COL9A1: variants seen among roughly 807,000 people sequenced by gnomAD.
COL9A1 encodes collagen type IX alpha 1 chain, also known as collagen alpha-1(IX) chain.
In COL9A1, 104 loss-of-function variants were observed where a neutral mutation model predicts 142.6. The observed-to-expected ratio is 0.73, with a 90% CI of 0.62 to 0.86. COL9A1 has a LOEUF of 0.86. COL9A1 is among the 40% of genes least tolerant of loss of function. The probability of loss-of-function intolerance (pLI) is 0.00; values close to 1 mark genes in which losing one functional copy is unlikely to be tolerated. For synonymous variants in COL9A1, 466 were observed against 396.0 expected (o/e 1.18, Z -2.10); for missense variants, 1,210 against 1,176.6 (o/e 1.03, Z -0.42).
chr6:70,293,618 C>G (rs569205323), intron 5 of COL9A1, among the ~76,000 whole-genome samples: 7 of 140,636 alleles, frequency 5.0e-5, no homozygotes, highest in Non-Finnish European at 1.1e-4. Context: ...TCACCCTCCT[C>G]TCTCTCTCTC....
intron 35 of COL9A1, among the ~76,000 whole-genome samples, chr6:70,233,234 T>G (rs1769669228): frequency 1.3e-5 from 2 of 152,214 alleles, no homozygotes; most frequent in Admixed American, 1.3e-4. Flanking sequence ...CAGACACCAT[T>G]TGAGACCTCG....
chr6:70,302,751 G>A (rs942048484), intron 1 of COL9A1, among the ~76,000 whole-genome samples, 160 bp downstream of exon 1: 3 of 151,232 alleles, frequency 2.0e-5, no homozygotes, highest in African/African-American at 4.9e-5. Context: ...GGTTTCTCAC[G>A]CTTGCCCTCT....
chr6:70,254,356 A>T lies in COL9A1; in HGVS notation c.1719+120T>A. The T allele has an allele frequency of 9.6e-6, 8 of 835,276 alleles. No homozygotes were observed. In the South Asian group the frequency reaches 1.3e-4, roughly 14 times the overall value. 51.7% of individuals were successfully genotyped at this position (835,276 alleles called of 1,614,324 possible). A position where few individuals can be genotyped will look rare whatever the true frequency, so the allele number is the denominator to read the frequency against. On this transcript the variant is annotated intron_variant, in intron 25 of 37. Coordinates refer to ENST00000357250, the MANE Select transcript of COL9A1 (RefSeq NM_001851.6). ...TACAAATGTAAATTGTAAAAATGTA[A>T]AAGTAAAACATCATATCTTCCCCAG...
chr6:70,285,717 TAA>T (rs1385611850), intron 5 of COL9A1, among the ~76,000 whole-genome samples: 1 of 152,186 alleles, frequency 6.6e-6, no homozygotes. Flanking sequence ...AATAAATAAA[TAA>T]GTTTGTTTTA....
chr6:70,302,874 CA>C, intron 1 of COL9A1, 36 bp downstream of exon 1: 2 of 1,612,438 alleles, frequency 1.2e-6, no homozygotes, highest in Non-Finnish European at 1.7e-6. Context: ...CCCCCAGCTC[CA>C]TCTCCCCACC....
chr6:70,293,926 C>A (rs1227792542), intron 5 of COL9A1, among the ~76,000 whole-genome samples: 1 of 152,120 alleles, frequency 6.6e-6, no homozygotes, highest in Non-Finnish European at 1.5e-5. Flanking sequence ...ACAATATGTG[C>A]CACATCAGTA....
At chr6:70,290,452 C>T (rs1773614816) in intron 5 of COL9A1, among the ~76,000 whole-genome samples, 1 of 152,044 alleles carries the variant, frequency 6.6e-6, no homozygotes, top group Non-Finnish European at 1.5e-5. Context: ...ATATAAAATG[C>T]TCTGAGCCCA....
At chr6:70,270,438 C>T (rs1772322822) in intron 14 of COL9A1, 71 bp from the exon 15 acceptor site, 1 of 1,436,244 alleles carries the variant, frequency 7.0e-7, no homozygotes, top group Non-Finnish European at 9.7e-7. Context: ...ACCAGTGAGG[C>T]ATAAGAGAAT....
At chr6:70,217,830 G>A (rs1213671754) in intron 37 of COL9A1, among the ~76,000 whole-genome samples, 1 of 152,152 alleles carries the variant, frequency 6.6e-6, no homozygotes, top group Non-Finnish European at 1.5e-5. Context: ...CTACAAGATG[G>A]GATAATGTCT....
At chr6:70,281,971 G>A (rs573981101) in intron 7 of COL9A1, among the ~76,000 whole-genome samples, 98 of 152,240 alleles carry the variant, frequency 6.4e-4, no homozygotes, top group Non-Finnish European at 8.1e-4. Flanking sequence ...GTAGGGCAGG[G>A]CAGCCTTGAG....
chr6:70,286,964 C>T (rs771551794), intron 5 of COL9A1, among the ~76,000 whole-genome samples: 6 of 152,152 alleles, frequency 3.9e-5, no homozygotes, highest in Non-Finnish European at 5.9e-5. Flanking sequence ...CCATGAAAGA[C>T]ACAAAAATGT....
intron 13 of COL9A1, 48 bp downstream of exon 13, chr6:70,272,017 G>A (rs1341135238): frequency 6.4e-7 from 1 of 1,571,076 alleles, no homozygotes; most frequent in Admixed American, 1.7e-5. Flanking sequence ...TTGAGAAATA[G>A]GACATTTTTA....
chr6:70,242,483 T>A (rs1770323782), intron 29 of COL9A1, among the ~76,000 whole-genome samples, 179 bp downstream of exon 29: 1 of 152,230 alleles, frequency 6.6e-6, no homozygotes, highest in South Asian at 2.1e-4. Flanking sequence ...CAGATTAAAA[T>A]ACCCTCTGAG....
intron 1 of COL9A1, among the ~76,000 whole-genome samples, chr6:70,302,553 G>C (rs1459400560): frequency 6.6e-6 from 1 of 151,942 alleles, no homozygotes; most frequent in Admixed American, 6.6e-5. Flanking sequence ...AGGAACTCAT[G>C]TTTCCAGACC....
In COL9A1 at chr6:70,266,772, T is replaced by C. The variant is rs1772044562; in HGVS notation, c.1288-2A>G. ...TTCTCCTTTAGCCCCTTTATGACCC[T>C]AACAAATGCAAAATAAGTAATTGTC... On this transcript the variant is annotated splice_acceptor_variant, in intron 17 of 37. Coordinates refer to ENST00000357250, the MANE Select transcript of COL9A1 (RefSeq NM_001851.6). LOFTEE classifies it high-confidence loss of function. 1.2e-6 allele frequency: 2 copies of C among 1,612,582 alleles called. No homozygotes were observed. The highest frequency in any genetic ancestry group is 1.7e-6 in the Non-Finnish European group (2 of 1,178,732).
intron 4 of COL9A1, among the ~76,000 whole-genome samples, chr6:70,299,801 C>A (rs1773988004): frequency 6.6e-6 from 1 of 152,090 alleles, no homozygotes; most frequent in Non-Finnish European, 1.5e-5. Context: ...AGAACATGTC[C>A]TGAATCAATG....
At chr6:70,262,425 G>A (rs72924908) in intron 19 of COL9A1, among the ~76,000 whole-genome samples, 19,686 of 152,086 alleles carry the variant, frequency 0.13, 1,555 homozygotes, top group Non-Finnish European at 0.18. Flanking sequence ...TGCACAGCTC[G>A]CTGAACCCTT....
intron 28 of COL9A1, among the ~76,000 whole-genome samples, chr6:70,250,227 C>T (rs1770859107): frequency 6.6e-6 from 1 of 151,964 alleles, no homozygotes; most frequent in Admixed American, 6.6e-5. Context: ...TACCACTGCA[C>T]TCCAGCCTGG....
intron 13 of COL9A1, 99 bp downstream of exon 13, chr6:70,271,966 C>T: frequency 1.6e-6 from 2 of 1,244,676 alleles, no homozygotes; most frequent in South Asian, 1.2e-5. Flanking sequence ...ACACTGTAAA[C>T]ACCACTGAGT....
Sources: allele counts gnomAD v4.1 joint callset (sites outside exome capture counted in the v4.1 genomes callset), GRCh38; gene constraint gnomAD v4.1.1; transcripts MANE v1.5; gene names NCBI Gene and HGNC (gene_info 2026-07-23, HGNC 2026-07-21).